Variants in LENG8 observed in about 807,000 individuals in gnomAD.
The protein encoded by LENG8 is leukocyte receptor cluster member 8.
Under a neutral mutation model 102.1 loss-of-function variants are expected in LENG8, and 28 were observed. The observed-to-expected ratio is 0.27, with a 90% confidence interval of 0.20 to 0.38. LENG8 has a LOEUF of 0.38. LENG8 is among the 10% of genes least tolerant of loss of function. The pLI is 1.00. For synonymous variants in LENG8, 531 were observed against 456.7 expected (o/e 1.16, Z -2.07); for missense variants, 1,022 against 1,113.9 (o/e 0.92, Z 1.17).
intron 1 of LENG8, among the ~76,000 whole-genome samples, 152 bp from the exon 2 acceptor site, chr19:54,451,135 ACCC>A (rs1054368659): frequency 6.6e-5 from 10 of 151,994 alleles, no homozygotes; most frequent in Admixed American, 4.6e-4. Flanking sequence ...TCTAGTCCAC[ACCC>A]AGAACTCTTC....
At chr19:54,453,732 AATG>A (rs2084078154) in intron 5 of LENG8, 76 bp downstream of exon 5, 1 of 1,040,502 alleles carries the variant, frequency 9.6e-7, no homozygotes, top group African/African-American at 1.6e-5. Flanking sequence ...GTCAATGAGG[AATG>A]GCTTGTACTC....
At position 54,456,115 on chromosome 19, in the gene LENG8, C is replaced by A; in HGVS notation, c.1174C>A (p.Arg392=). Residue 392 remains arginine (R), a synonymous_variant, in exon 9 of 16, where the codon CGA becomes AGA. Transcript: ENST00000326764. ...RGTPGAGGAG[R]ARGNSFTKFG... is the part of the protein sequence containing the mutation. Reference sequence around the variant, plus strand: ...GACGCCCGGGGCTGGGGGTGCCGGTCGAGCCCGGGGCAACAGCTTCACCAA... The same window carrying A: ...GACGCCCGGGGCTGGGGGTGCCGGTAGAGCCCGGGGCAACAGCTTCACCAA... 6.2e-7 allele frequency: 1 copy of A among 1,609,822 alleles called. No homozygotes were observed.
chr19:54,461,137 T>TGG lies in LENG8; in HGVS notation c.*212_*213dup. On this transcript the variant is annotated 3_prime_UTR_variant, in exon 16 of 16. Coordinates refer to ENST00000326764, the MANE Select transcript of LENG8 (RefSeq NM_052925.4). ...ATTTTTTGCCTCAGAGGGATGGGATTGGGGAGGAGGGGATGGGCAGCGGAG... is the reference window on the plus strand; with the variant it reads ...ATTTTTTGCCTCAGAGGGATGGGATTGGGGGGAGGAGGGGATGGGCAGCGGAG... 1 of 787,078 alleles carries TGG rather than the reference T, an allele frequency of 1.3e-6. No homozygotes were observed. Among genetic ancestry groups the TGG allele is most frequent in the Non-Finnish European group, 2.1e-6 (1 of 468,486 alleles). The allele number at this position is 787,078 out of a possible 1,614,324, so 48.8% of individuals were successfully genotyped here. A position where few individuals can be genotyped will look rare whatever the true frequency, so the allele number is the denominator to read the frequency against.
At chr19:54,460,316 G>A (rs78422130) in intron 15 of LENG8, 38,669 of 1,237,166 alleles carry the variant, frequency 0.031, 838 homozygotes, top group South Asian at 0.086. Flanking sequence ...TGCTTTCAGT[G>A]TGTAGTGGTG....
At chr19:54,449,386 C>T (rs920306632) in intron 1 of LENG8, 76 bp downstream of exon 1, 3 of 152,174 alleles carry the variant, frequency 2.0e-5, no homozygotes, top group East Asian at 1.9e-4. Flanking sequence ...AGCCCCGAGG[C>T]CTTCTCGGCC....
intron 5 of LENG8, among the ~76,000 whole-genome samples, 182 bp from the exon 6 acceptor site, chr19:54,454,248 G>T (rs567165968): frequency 1.3e-5 from 2 of 152,280 alleles, no homozygotes; most frequent in East Asian, 3.9e-4. Context: ...CTGTGAAAAG[G>T]GCTGTTAACA....
rs897434880 is a variant in LENG8, at chr19:54,460,474, C to T, written c.2241-292C>T. 3.8e-6 allele frequency: 5 copies of T among 1,326,490 alleles called. No homozygotes were observed. The African/African-American group carries it at 4.5e-5, about 12-fold the overall frequency. The allele number at this position is 1,326,490 out of a possible 1,614,324, so 82.2% of individuals were successfully genotyped here. ...GCTGCTCCCTCCATCTGGTCCCTGC[C>T]CCTCAGCCAGCGGAGGAGCCCGCTG... On this transcript the variant is annotated intron_variant, in intron 15 of 15. Coordinates refer to ENST00000326764, the MANE Select transcript of LENG8 (RefSeq NM_052925.4).
In LENG8 at chr19:54,458,493, A is replaced by C. The variant is rs1288337534; in HGVS notation, c.2212A>C (p.Lys738Gln). 1 of 1,614,226 alleles carries C rather than the reference A, an allele frequency of 6.2e-7. No homozygotes were observed. Among genetic ancestry groups the C allele is most frequent in the Non-Finnish European group, 8.5e-7 (1 of 1,180,036 alleles). Residue 738 changes from lysine (K) to glutamine (Q), a missense_variant, in exon 15 of 16, where the codon AAG becomes CAG. Physicochemically the swap from Lys to Gln is moderately conservative, Grantham distance 53. Transcript: ENST00000326764. ...LVDKFADRER[K>Q]VALKAMIKTF... Reference sequence around the variant, plus strand: ...GGACAAGTTTGCAGATCGGGAGCGCAAGGTCGCCCTCAAGGCCATGATCAA... The same window carrying C: ...GGACAAGTTTGCAGATCGGGAGCGCCAGGTCGCCCTCAAGGCCATGATCAA...
rs746366530 is a variant in LENG8 at position 54,455,529 on chromosome 19, G to A, written c.987G>A (p.Ser329=). The stretch of plus-strand genomic sequence containing the variant: ...TGCAGGCGCGGCTGCAGGACGGCTC[G>A]GCCTATACCATTGACTGGAGCCGGG... ...EVLQARLQDG[S]AYTIDWSREP... is the part of the protein sequence containing the mutation. The change falls in exon 8 of 16, where the codon TCG becomes TCA. Residue 329 remains serine, a synonymous_variant. Coordinates refer to ENST00000326764, the MANE Select transcript of LENG8 (RefSeq NM_052925.4). 17 of 1,613,224 alleles carry A rather than the reference G, an allele frequency of 1.1e-5. 1 individual carries two copies. The South Asian group carries it at 1.3e-4, about 13-fold the overall frequency.
At chr19:54,457,274 G>T (rs2123160647) in intron 11 of LENG8, among the ~76,000 whole-genome samples, 2 of 152,362 alleles carry the variant, frequency 1.3e-5, no homozygotes, top group Middle Eastern at 3.4e-3. Flanking sequence ...TGCAGAACCT[G>T]TGAACAGCCA....
Position 54,457,983 on chromosome 19 carries a change from C to T in LENG8, c.1883C>T (p.Ala628Val). The change falls in exon 13 of 16, where the codon GCC becomes GTC. Residue 628 changes from alanine to valine, a missense_variant. Ala to Val is a moderately conservative substitution (Grantham distance 64). Coordinates refer to ENST00000326764, the MANE Select transcript of LENG8 (RefSeq NM_052925.4). The part of the protein sequence containing the change: ...EFTVEVYETH[A>V]RIALEKGDHE... ...ACGGTGGAGGTGTACGAGACCCATG[C>T]CCGGATCGCCTTGGAGAAGGTGAGC... is the stretch of plus-strand genomic sequence containing the variant. The T allele has an allele frequency of 6.2e-7, 1 of 1,613,696 alleles. No individual in the cohort carries two copies.
At chr19:54,453,419 T>C (rs1017381632) in intron 4 of LENG8, 127 bp from the exon 5 acceptor site, 12 of 661,314 alleles carry the variant, frequency 1.8e-5, no homozygotes, top group Admixed American at 4.8e-5. Context: ...TGTGGTGCAT[T>C]AATATAGTGA....
intron 15 of LENG8, chr19:54,458,890 C>A: frequency 6.5e-7 from 1 of 1,546,922 alleles, no homozygotes; most frequent in Non-Finnish European, 8.7e-7. Context: ...CAGCTTGTCG[C>A]TGTGCTCCCA....
chr19:54,461,975 G>C lies in LENG8; in HGVS notation c.*1047G>C. Reference sequence around the variant, plus strand: ...TTCCTTGGAGCACTGAGCACCATTTGGAAGCTTGAGAGAAACCAAAATTAA... The same window carrying C: ...TTCCTTGGAGCACTGAGCACCATTTCGAAGCTTGAGAGAAACCAAAATTAA... On this transcript the variant is annotated 3_prime_UTR_variant, in exon 16 of 16. Transcript: ENST00000326764. The C allele has an allele frequency of 8.4e-7, 1 of 1,187,222 alleles. No homozygotes were observed. Among genetic ancestry groups the C allele is most frequent in the Non-Finnish European group, 1.2e-6 (1 of 813,200 alleles). 73.5% of individuals were successfully genotyped at this position (1,187,222 alleles called of 1,614,324 possible).
chr19:54,452,313 GGGA>G (rs751824476), intron 3 of LENG8, 46 bp downstream of exon 3: 116 of 1,527,750 alleles, frequency 7.6e-5, no homozygotes, highest in Non-Finnish European at 7.0e-5. Flanking sequence ...CAGAGGTTGT[GGGA>G]GGGACACAGT....
In LENG8 at chr19:54,458,474, G is replaced by A. The variant is rs1012438735; in HGVS notation, c.2193G>A (p.Lys731=). The A allele has an allele frequency of 1.2e-6, 2 of 1,614,154 alleles. No individual in the cohort carries two copies. Among genetic ancestry groups the A allele is most frequent in the South Asian group, 2.2e-5 (2 of 91,092 alleles). The change falls in exon 15 of 16, where the codon AAG becomes AAA. Residue 731 remains lysine, a synonymous_variant. Coordinates refer to ENST00000326764, the MANE Select transcript of LENG8 (RefSeq NM_052925.4). The stretch of plus-strand genomic sequence containing the variant: ...GCATGTCTGGCTACCTCGTGGACAA[G>A]TTTGCAGATCGGGAGCGCAAGGTCG... ...APCMSGYLVD[K]FADRERKVAL... is the part of the protein sequence containing the mutation.
rs2123081691 is a variant in LENG8, at chr19:54,452,767, A to G, written c.315+15A>G. 6.3e-7 allele frequency: 1 copy of G among 1,580,650 alleles called. No individual in the cohort carries two copies. On this transcript the variant is annotated intron_variant, in intron 4 of 15. Transcript: ENST00000326764. ...ACTATCCCATGGTGAGTGCCCAGCC[A>G]GTGGGGCGGGGCAGGGCGAGGTGGA...
chr19:54,455,888 G>A, intron 8 of LENG8, 79 bp from the exon 9 acceptor site: 2 of 1,476,102 alleles, frequency 1.4e-6, no homozygotes, highest in Admixed American at 2.2e-5. Flanking sequence ...AGGCGGGTCG[G>A]TACCTTGAGG....
At position 54,455,016 on chromosome 19, in the gene LENG8, A is replaced by C. The variant is rs1184429160; in HGVS notation, c.745A>C (p.Ser249Arg). Residue 249 changes from serine to arginine, a missense_variant, in exon 7 of 16, where the codon AGC becomes CGC. This residue lies in a region of LENG8 where 343 missense variants were observed against 320.2 expected (regional missense o/e 1.07). Transcript: ENST00000326764. ...QKRPFAVTTQ[S>R]FGSNAEGQHS... ...GCGACCCTTTGCTGTTACCACCCAG[A>C]GCTTTGGCTCCAACGCAGAGGGCCA... 1.2e-6 allele frequency: 2 copies of C among 1,614,136 alleles called. No homozygotes were observed. The highest frequency in any genetic ancestry group is 2.2e-5 in the East Asian group (1 of 44,872).
Sources: allele counts gnomAD v4.1 joint callset (sites outside exome capture counted in the v4.1 genomes callset), GRCh38; gene constraint gnomAD v4.1.1; regional missense constraint gnomAD v4.1.1; transcripts MANE v1.5; gene names NCBI Gene and HGNC (gene_info 2026-07-23, HGNC 2026-07-21).